The following SNAP91 variants were observed in gnomAD, a reference collection of about 807,000 sequenced individuals.
The protein encoded by SNAP91 is clathrin coat assembly protein AP180.
In SNAP91, 27 loss-of-function variants were observed where a neutral mutation model predicts 100.3. The ratio of observed to expected loss-of-function variants is 0.27; its 90% confidence interval spans 0.20 to 0.37. The LOEUF (loss-of-function observed/expected upper bound fraction) is 0.37, where lower values mean the gene tolerates loss of function less well. SNAP91 is among the 10% of genes least tolerant of loss of function. SNAP91 has a pLI of 1.00. For synonymous variants in SNAP91, 404 were observed against 398.6 expected, an observed-to-expected ratio of 1.01 and a Z score of -0.16; for missense variants, 986 against 1,123.7, an observed-to-expected ratio of 0.88 and a Z score of 1.75.
intron 26 of SNAP91, among the ~76,000 whole-genome samples, chr6:83,564,116 T>C (rs910909001): frequency 9.9e-5 from 15 of 152,160 alleles, no homozygotes; most frequent in African/African-American, 3.4e-4. Flanking sequence ...GAAAGGTACA[T>C]TAATCAAAAC....
At chr6:83,654,429 C>T (rs1171446934) in intron 7 of SNAP91, among the ~76,000 whole-genome samples, 2 of 152,066 alleles carry the variant, frequency 1.3e-5, no homozygotes, top group Admixed American at 6.5e-5. Flanking sequence ...AACTGGAAAC[C>T]GGAAGTCAGA....
chr6:83,576,571 T>A (rs1819087356), intron 24 of SNAP91, among the ~76,000 whole-genome samples: 1 of 152,240 alleles, frequency 6.6e-6, no homozygotes, highest in African/African-American at 2.4e-5. Flanking sequence ...TCTTTAGGCA[T>A]AAACACCTCA....
At chr6:83,616,615 T>G (rs553261720) in intron 10 of SNAP91, among the ~76,000 whole-genome samples, 4 of 152,292 alleles carry the variant, frequency 2.6e-5, no homozygotes, top group Admixed American at 1.3e-4. Flanking sequence ...TCAAGGCTGC[T>G]TGTGAAATTG....
At chr6:83,633,933 C>G (rs1353887400) in intron 8 of SNAP91, among the ~76,000 whole-genome samples, 1 of 150,562 alleles carries the variant, frequency 6.6e-6, no homozygotes, top group African/African-American at 2.4e-5. Context: ...AGGGGAACAT[C>G]ACACACTGGG....
At chr6:83,610,505 A>AT (rs1338528017) in intron 12 of SNAP91, 145 bp downstream of exon 12, 7 of 258,544 alleles carry the variant, frequency 2.7e-5, no homozygotes, top group African/African-American at 1.4e-4. Context: ...GTTTTGAAAG[A>AT]TAAAAAAAAA....
chr6:83,690,022 A>C (rs1005610971), intron 2 of SNAP91, among the ~76,000 whole-genome samples: 1 of 151,546 alleles, frequency 6.6e-6, no homozygotes, highest in African/African-American at 2.4e-5. Context: ...ACTAATCTTG[A>C]TTTTTTCCTA....
At position 83,630,777 on chromosome 6, in the gene SNAP91, A is replaced by T. The variant is rs1049986747; in HGVS notation, c.766-7435T>A. Reference sequence around the variant, plus strand: ...CTAATGGTCTATCAATTTTATCTTAAAAAAAAAAAACAGCTTTTTGTTTCA... The same window carrying T: ...CTAATGGTCTATCAATTTTATCTTATAAAAAAAAAACAGCTTTTTGTTTCA... On this transcript the variant is annotated intron_variant, in intron 8 of 29. Coordinates refer to ENST00000369694, the MANE Select transcript of SNAP91 (RefSeq NM_001242792.2). Among the ~76,000 whole-genome samples the T allele has an allele frequency of 2.3e-4, 3 of 12,858 alleles. 1 individual carries two copies. The highest frequency in any genetic ancestry group is 6.8e-4 in the Non-Finnish European group (3 of 4,430). 8.4% of individuals were successfully genotyped at this position (12,858 alleles called of 152,430 possible).
intron 11 of SNAP91, among the ~76,000 whole-genome samples, chr6:83,614,479 T>C (rs1360829154): frequency 1.3e-5 from 2 of 152,152 alleles, no homozygotes; most frequent in South Asian, 2.1e-4. Flanking sequence ...AGAAGACAAA[T>C]AAAACAATTT....
chr6:83,634,999 A>C (rs1340836838), intron 8 of SNAP91, among the ~76,000 whole-genome samples: 2 of 152,190 alleles, frequency 1.3e-5, no homozygotes, highest in African/African-American at 4.8e-5. Flanking sequence ...CTGTGGTCTA[A>C]GAATATACTT....
intron 2 of SNAP91, among the ~76,000 whole-genome samples, chr6:83,704,139 A>T (rs1475832753): frequency 6.6e-6 from 1 of 152,202 alleles, no homozygotes; most frequent in African/African-American, 2.4e-5. Flanking sequence ...AAAACAGACA[A>T]CACTGAAGTG....
rs574189068 is a variant in SNAP91 at position 83,560,328 on chromosome 6, A to T, written c.2527-120T>A. The T allele has an allele frequency of 5.7e-6, 4 of 699,632 alleles. No homozygotes were observed. The South Asian group carries it at 7.4e-5, about 13-fold the overall frequency. The allele number at this position is 699,632 out of a possible 1,614,324, so 43.3% of individuals were successfully genotyped here. On this transcript the variant is annotated intron_variant, in intron 27 of 29. Coordinates refer to ENST00000369694, the MANE Select transcript of SNAP91 (RefSeq NM_001242792.2). Reference sequence around the variant, plus strand: ...TTTGAGGAATCCAGGACTATGAGGAAGCATAATTTGTAATTTTAATTAGGG... The same window carrying T: ...TTTGAGGAATCCAGGACTATGAGGATGCATAATTTGTAATTTTAATTAGGG...
At chr6:83,680,952 G>A (rs1012040653) in intron 2 of SNAP91, among the ~76,000 whole-genome samples, 1 of 152,102 alleles carries the variant, frequency 6.6e-6, no homozygotes. Context: ...CCTAGTTTTG[G>A]TTGTGGCCAA....
At chr6:83,601,516 C>T in intron 15 of SNAP91, 69 bp downstream of exon 15, 4 of 1,610,700 alleles carry the variant, frequency 2.5e-6, no homozygotes, top group Non-Finnish European at 3.4e-6. Flanking sequence ...TCCAAATGAT[C>T]AAAATAAGGA....
intron 7 of SNAP91, among the ~76,000 whole-genome samples, chr6:83,654,625 T>C (rs1198028712): frequency 1.4e-5 from 2 of 147,728 alleles, no homozygotes; most frequent in Admixed American, 6.7e-5. Context: ...TCTGAATGCA[T>C]AGTTTGAGTA....
At chr6:83,600,869 C>T (rs942985295) in intron 16 of SNAP91, among the ~76,000 whole-genome samples, 7 of 152,176 alleles carry the variant, frequency 4.6e-5, no homozygotes, top group African/African-American at 1.4e-4. Flanking sequence ...GCCTGTGTTG[C>T]TCCTCCTACA....
At chr6:83,565,703 GA>G (rs2127954149) in intron 26 of SNAP91, among the ~76,000 whole-genome samples, 1 of 152,220 alleles carries the variant, frequency 6.6e-6, no homozygotes, top group South Asian at 2.1e-4. Flanking sequence ...ATACACACAT[GA>G]AAAGATGTTA....
chr6:83,582,586 G>T (rs1442388517), intron 22 of SNAP91, among the ~76,000 whole-genome samples: 1 of 152,048 alleles, frequency 6.6e-6, no homozygotes. Context: ...TAACACACAA[G>T]TATAACCTTA....
chr6:83,632,115 T>C (rs2097231238), intron 8 of SNAP91, among the ~76,000 whole-genome samples: 2 of 152,086 alleles, frequency 1.3e-5, no homozygotes, highest in Admixed American at 1.3e-4. Flanking sequence ...GAAGCTTAGT[T>C]TCACTGGATA....
At chr6:83,641,281 C>T in intron 7 of SNAP91, 79 bp from the exon 8 acceptor site, 1 of 601,962 alleles carries the variant, frequency 1.7e-6, no homozygotes, top group Non-Finnish European at 2.7e-6. Flanking sequence ...AAGATTACTA[C>T]TCAAAACTTA....
Sources: gnomAD v4.1 joint callset for allele counts (sites outside exome capture counted in the v4.1 genomes callset) on GRCh38, gnomAD v4.1.1 for gene constraint, MANE v1.5 for transcripts, NCBI Gene and HGNC (gene_info 2026-07-23, HGNC 2026-07-21) for gene names.